EFCAB5: variants seen among roughly 807,000 people sequenced by gnomAD.
EFCAB5 encodes the protein EF-hand calcium-binding domain-containing protein 5.
A neutral mutation model predicts 167.9 loss-of-function variants in EFCAB5; 131 were observed. That is an observed-to-expected ratio of 0.78 (90% CI 0.68 to 0.90). The LOEUF is 0.90. Ranked by LOEUF, EFCAB5 falls within the 40% of genes least tolerant of loss-of-function variation. The pLI, the probability that EFCAB5 is intolerant of heterozygous loss-of-function variation, is 0.00. For synonymous variants in EFCAB5, 574 were observed against 602.8 expected (o/e 0.95, Z 0.70); for missense variants, 1,663 against 1,745.2 (o/e 0.95, Z 0.84).
chr17:30,054,309 A>G (rs1240359314), intron 10 of EFCAB5, among the ~76,000 whole-genome samples, 161 bp downstream of exon 10: 1 of 152,228 alleles, frequency 6.6e-6, no homozygotes, highest in East Asian at 1.9e-4. Context: ...CTAGACCTTG[A>G]ACAATAATCA....
intron 20 of EFCAB5, 43 bp downstream of exon 20, chr17:30,090,717 G>A: frequency 1.9e-6 from 3 of 1,563,930 alleles, no homozygotes; most frequent in South Asian, 2.4e-5. Context: ...AGGTTTAATA[G>A]GTTTTGGGGA....
chr17:29,998,460 T>A (rs1355761679), intron 6 of EFCAB5, among the ~76,000 whole-genome samples: 1 of 152,084 alleles, frequency 6.6e-6, no homozygotes, highest in Non-Finnish European at 1.5e-5. Flanking sequence ...CTGTAATGAG[T>A]AAGAGAATGC....
intron 22 of EFCAB5, among the ~76,000 whole-genome samples, chr17:30,093,534 A>C (rs141850453): frequency 1.3e-5 from 2 of 152,268 alleles, no homozygotes; most frequent in African/African-American, 4.8e-5. Context: ...TTGCTCACTA[A>C]ATCTATCCCT....
At chr17:30,030,383 G>T (rs1265245850) in intron 7 of EFCAB5, among the ~76,000 whole-genome samples, 1 of 152,190 alleles carries the variant, frequency 6.6e-6, no homozygotes, top group Non-Finnish European at 1.5e-5. Context: ...TCGCTCTGTT[G>T]CCCAGGCTGG....
At chr17:30,097,306 C>T (rs1292511149) in intron 22 of EFCAB5, among the ~76,000 whole-genome samples, 1 of 150,064 alleles carries the variant, frequency 6.7e-6, no homozygotes, top group African/African-American at 2.4e-5. Flanking sequence ...TCCGCCCCCT[C>T]GGCCTCCCAA....
chr17:30,027,563 T>A (rs1012175911), intron 7 of EFCAB5, among the ~76,000 whole-genome samples: 17 of 151,994 alleles, frequency 1.1e-4, no homozygotes, highest in African/African-American at 4.1e-4. Context: ...TGATACAGCA[T>A]ACGTCCAAAC....
At chr17:30,015,759 C>CTTTT (rs71138866) in intron 7 of EFCAB5, among the ~76,000 whole-genome samples, 2 of 130,566 alleles carry the variant, frequency 1.5e-5, no homozygotes, top group African/African-American at 5.7e-5. Flanking sequence ...TTGGTTATTT[C>CTTTT]TTTTTTTTTT....
Position 30,090,547 on chromosome 17 carries a change from C to G in EFCAB5, c.3810C>G (p.Ile1270Met). The G allele has an allele frequency of 6.2e-7, 1 of 1,613,844 alleles. No individual in the cohort carries two copies. The highest frequency in any genetic ancestry group is 8.5e-7 in the Non-Finnish European group (1 of 1,179,866). Reference protein sequence around the residue: ...GEALGVLDFNIGQNRMLLCQE... With the variant: ...GEALGVLDFNMGQNRMLLCQE... The stretch of plus-strand genomic sequence containing the variant: ...CTCTGGGAGTCCTCGATTTTAACAT[C>G]GGCCAAAATAGGATGTTGTTGTGTC... The change falls in exon 20 of 23, where the codon ATC becomes ATG. Residue 1270 changes from isoleucine to methionine, a missense_variant. Coordinates refer to ENST00000394835, the MANE Select transcript of EFCAB5 (RefSeq NM_198529.4).
At chr17:30,029,450 A>G (rs2069419606) in intron 7 of EFCAB5, among the ~76,000 whole-genome samples, 1 of 152,198 alleles carries the variant, frequency 6.6e-6, no homozygotes, top group African/African-American at 2.4e-5. Context: ...ATTGTTGTAT[A>G]GGTACTTCAA....
intron 18 of EFCAB5, 22 bp from the exon 19 acceptor site, chr17:30,087,041 G>T: frequency 6.2e-7 from 1 of 1,608,936 alleles, no homozygotes; most frequent in South Asian, 1.1e-5. Context: ...TACTCCTAAT[G>T]AAATGCCTTC....
At chr17:30,104,053 T>C (rs1013276879) in intron 22 of EFCAB5, among the ~76,000 whole-genome samples, 3 of 152,182 alleles carry the variant, frequency 2.0e-5, no homozygotes, top group Non-Finnish European at 4.4e-5. Context: ...TACCCTTCTA[T>C]TGCTGCAAGG....
In EFCAB5 at chr17:30,004,622, C is replaced by CT. The variant is rs770320423; in HGVS notation, c.1044+4662dup. Among the ~76,000 whole-genome samples, 624 of 135,692 alleles carry CT rather than the reference C, an allele frequency of 4.6e-3. 5 individuals are homozygous for CT. The highest frequency in any genetic ancestry group is 9.8e-3 in the South Asian group (42 of 4,296). The allele number at this position is 135,692 out of a possible 152,430, so 89.0% of individuals were successfully genotyped here. On this transcript the variant is annotated intron_variant, in intron 7 of 22. Transcript: ENST00000394835. ...TCACCAGATACTAACTCTGTGGGCA[C>CT]TTTTTTTTTTTTTTTTGAGATGGAG... is the stretch of plus-strand genomic sequence containing the variant.
chr17:29,957,035 A>G (rs1234665669), intron 3 of EFCAB5, among the ~76,000 whole-genome samples: 1 of 152,202 alleles, frequency 6.6e-6, no homozygotes, highest in African/African-American at 2.4e-5. Flanking sequence ...TCCAGATTTT[A>G]GAGGAAAAGC....
Position 30,092,078 on chromosome 17 carries a change from T to G in EFCAB5, c.4145T>G (p.Ile1382Ser). 1 of 1,613,994 alleles carries G rather than the reference T, an allele frequency of 6.2e-7. No homozygotes were observed. Among genetic ancestry groups the G allele is most frequent in the Non-Finnish European group, 8.5e-7 (1 of 1,179,886 alleles). The change falls in exon 21 of 23, where the codon ATC (isoleucine) becomes AGC (serine). Residue 1382 changes from isoleucine (I) to serine (S), a missense_variant. By Grantham distance (142) the Ile-to-Ser change is moderately radical. Coordinates refer to ENST00000394835, the MANE Select transcript of EFCAB5 (RefSeq NM_198529.4). ...LEANVKLVRD[I>S]LKAVILFFHP... ...GCCAACGTGAAACTAGTGCGTGACA[T>G]CCTGAAGGCGGTTATCTTGTTCTTT...
chr17:29,993,839 T>C, intron 5 of EFCAB5, among the ~76,000 whole-genome samples: 1 of 151,904 alleles, frequency 6.6e-6, no homozygotes, highest in Admixed American at 6.6e-5. Context: ...ACATATCTGG[T>C]TGGGTGTGGT....
intron 7 of EFCAB5, among the ~76,000 whole-genome samples, chr17:30,025,437 A>G (rs1223996589): frequency 6.6e-6 from 1 of 152,318 alleles, no homozygotes; most frequent in East Asian, 1.9e-4. Context: ...ATCACTGGCC[A>G]TCAGAGAAAT....
intron 14 of EFCAB5, among the ~76,000 whole-genome samples, chr17:30,076,876 A>G (rs1224147465): frequency 6.6e-6 from 1 of 152,280 alleles, no homozygotes; most frequent in East Asian, 1.9e-4. Context: ...TGAATGAATC[A>G]TAGCTACAGT....
intron 14 of EFCAB5, among the ~76,000 whole-genome samples, chr17:30,077,182 A>G (rs979738531): frequency 5.3e-5 from 8 of 152,090 alleles, no homozygotes; most frequent in Non-Finnish European, 1.0e-4. Context: ...CACATCTGTA[A>G]TCCCAGCTAC....
intron 14 of EFCAB5, among the ~76,000 whole-genome samples, chr17:30,061,389 C>T (rs2070421675): frequency 6.6e-6 from 1 of 152,210 alleles, no homozygotes; most frequent in South Asian, 2.1e-4. Context: ...AATCTTCAAA[C>T]AGCTCTTTTG....
Sources: gnomAD v4.1 joint callset for allele counts (sites outside exome capture counted in the v4.1 genomes callset) on GRCh38, gnomAD v4.1.1 for gene constraint, MANE v1.5 for transcripts, NCBI Gene and HGNC (gene_info 2026-07-23, HGNC 2026-07-21) for gene names.